CDH4: variants seen among roughly 807,000 people sequenced by gnomAD.
The protein encoded by CDH4 is cadherin 4, also known as cadherin-4.
A neutral mutation model predicts 86.0 loss-of-function variants in CDH4; 33 were observed. That is an observed-to-expected ratio of 0.38 (90% confidence interval 0.29 to 0.51). The LOEUF (loss-of-function observed/expected upper bound fraction) is 0.51. Ranked by LOEUF, CDH4 falls within the 20% of genes least tolerant of loss-of-function variation. The probability of loss-of-function intolerance (pLI) is 0.86; values close to 1 mark genes in which losing one functional copy is unlikely to be tolerated. For synonymous variants in CDH4, 555 were observed against 549.4 expected, an observed-to-expected ratio of 1.01 and a Z score of -0.14; for missense variants, 1,114 against 1,307.4, an observed-to-expected ratio of 0.85 and a Z score of 2.28.
intron 2 of CDH4, among the ~76,000 whole-genome samples, chr20:61,461,875 G>A (rs1203610426): frequency 1.3e-5 from 2 of 152,188 alleles, no homozygotes; most frequent in Non-Finnish European, 2.9e-5. Flanking sequence ...AAGCTCTGGA[G>A]TGCCGTGTGC....
chr20:61,309,162 CAGG>C (rs1391628105), intron 2 of CDH4, among the ~76,000 whole-genome samples: 4 of 152,228 alleles, frequency 2.6e-5, no homozygotes, highest in African/African-American at 9.6e-5. Flanking sequence ...GGCTGGTGCC[CAGG>C]AGATCCTCTC....
rs145846676 is a variant in CDH4 at position 61,844,739 on chromosome 20, C to T, written c.648C>T (p.Pro216=). ...SITGVGADQP[P]MEVFSIDSMS... Reference sequence around the variant, plus strand: ...CGGGAGTGGGCGCCGACCAGCCCCCCATGGAGGTCTTCAGCATTGACTCCA... The same window carrying T: ...CGGGAGTGGGCGCCGACCAGCCCCCTATGGAGGTCTTCAGCATTGACTCCA... Residue 216 remains proline (P), a synonymous_variant, in exon 5 of 16, where the codon CCC becomes CCT. Transcript: ENST00000614565. The T allele has an allele frequency of 3.5e-5, 57 of 1,614,072 alleles. No individual in the cohort carries two copies. In the African/African-American group the frequency reaches 5.2e-4, roughly 15 times the overall value.
chr20:61,540,884 G>A (rs2086034625), intron 2 of CDH4, among the ~76,000 whole-genome samples: 2 of 152,008 alleles, frequency 1.3e-5, no homozygotes, highest in African/African-American at 4.8e-5. Flanking sequence ...CAATAAGGCA[G>A]GAAGCAAACA....
chr20:61,767,964 G>C (rs747837947), intron 3 of CDH4, among the ~76,000 whole-genome samples: 1 of 152,220 alleles, frequency 6.6e-6, no homozygotes, highest in African/African-American at 2.4e-5. Context: ...GTCCGTGAGT[G>C]GATGGAGGCG....
intron 2 of CDH4, among the ~76,000 whole-genome samples, chr20:61,304,582 G>A (rs1245388963): frequency 6.6e-6 from 1 of 152,088 alleles, no homozygotes; most frequent in African/African-American, 2.4e-5. Context: ...TTGTACTAGA[G>A]GGCCTGGCTG....
chr20:61,630,267 C>T (rs1382495561), intron 2 of CDH4, among the ~76,000 whole-genome samples: 1 of 152,184 alleles, frequency 6.6e-6, no homozygotes, highest in Non-Finnish European at 1.5e-5. Flanking sequence ...TGTACTGTGA[C>T]CTCATGGCTG....
chr20:61,555,653 G>A lies in CDH4; in HGVS notation c.170-187910G>A, dbSNP rs1057005142. Among the ~76,000 whole-genome samples, 8 of 152,156 alleles carry A rather than the reference G, an allele frequency of 5.3e-5. No individual in the cohort carries two copies. In the East Asian group the frequency reaches 5.8e-4, roughly 11 times the overall value. On this transcript the variant is annotated intron_variant, in intron 2 of 15. Transcript: ENST00000614565. The stretch of plus-strand genomic sequence containing the variant: ...AATCACAAAATCACACCCTTTATTC[G>A]ACAACTCCACATAAATAGCGATTCC...
chr20:61,822,406 T>G (rs1456757848), intron 4 of CDH4, among the ~76,000 whole-genome samples: 2 of 152,206 alleles, frequency 1.3e-5, no homozygotes, highest in Non-Finnish European at 2.9e-5. Context: ...TTTATTATGG[T>G]GCTAAAATAA....
intron 2 of CDH4, among the ~76,000 whole-genome samples, chr20:61,346,804 G>A (rs2084681678): frequency 6.6e-6 from 1 of 151,698 alleles, no homozygotes; most frequent in Non-Finnish European, 1.5e-5. Context: ...GGGCCAGGGT[G>A]CAGCAGGAAG....
chr20:61,747,964 A>T (rs890608960), intron 3 of CDH4, among the ~76,000 whole-genome samples: 3 of 152,026 alleles, frequency 2.0e-5, no homozygotes, highest in Non-Finnish European at 4.4e-5. Context: ...CAGCACCTGG[A>T]TGCTTTATAG....
intron 2 of CDH4, among the ~76,000 whole-genome samples, chr20:61,414,583 A>G (rs2252678): frequency 0.39 from 59,337 of 152,120 alleles, 12,529 homozygotes; most frequent in Middle Eastern, 0.52. Context: ...GGCAATATTA[A>G]TAATGCTCAC....
At chr20:61,453,279 G>C (rs1407574886) in intron 2 of CDH4, among the ~76,000 whole-genome samples, 1 of 152,138 alleles carries the variant, frequency 6.6e-6, no homozygotes, top group Non-Finnish European at 1.5e-5. Flanking sequence ...AGTGATGGGG[G>C]ATTATATATC....
intron 2 of CDH4, among the ~76,000 whole-genome samples, chr20:61,351,778 G>A (rs562901096): frequency 3.3e-5 from 5 of 151,350 alleles, no homozygotes; most frequent in Admixed American, 2.6e-4. Context: ...GTGCAGTGGC[G>A]CAATCTCGGC....
At chr20:61,688,400 TG>T (rs2087612846) in intron 2 of CDH4, among the ~76,000 whole-genome samples, 1 of 151,972 alleles carries the variant, frequency 6.6e-6, no homozygotes, top group Non-Finnish European at 1.5e-5. Context: ...TTCTGAATGA[TG>T]GTTTATTAAG....
chr20:61,352,584 A>C (rs1333637419), intron 2 of CDH4, among the ~76,000 whole-genome samples: 1 of 152,208 alleles, frequency 6.6e-6, no homozygotes, highest in Non-Finnish European at 1.5e-5. Context: ...GGTGGAAAGA[A>C]AACAAAGCTT....
chr20:61,332,008 G>A (rs1241311880), intron 2 of CDH4, among the ~76,000 whole-genome samples: 2 of 152,194 alleles, frequency 1.3e-5, no homozygotes, highest in African/African-American at 2.4e-5. Context: ...TGGTTCTTCA[G>A]TGCCCAGAGC....
chr20:61,765,476 A>G (rs1157040045), intron 3 of CDH4, among the ~76,000 whole-genome samples: 1 of 152,200 alleles, frequency 6.6e-6, no homozygotes, highest in Non-Finnish European at 1.5e-5. Flanking sequence ...CCACGAAGCC[A>G]CAGTTGTGGG....
At chr20:61,760,335 C>A (rs904792237) in intron 3 of CDH4, among the ~76,000 whole-genome samples, 2 of 152,260 alleles carry the variant, frequency 1.3e-5, no homozygotes, top group African/African-American at 4.8e-5. Flanking sequence ...CAGCCCAGGC[C>A]CTCAGAAGTC....
chr20:61,381,723 A>G (rs572624092), intron 2 of CDH4, among the ~76,000 whole-genome samples: 5 of 152,178 alleles, frequency 3.3e-5, no homozygotes, highest in African/African-American at 1.2e-4. Flanking sequence ...TGGCCTTTGC[A>G]TAATCTACTA....
Sources: allele counts gnomAD v4.1 joint callset (sites outside exome capture counted in the v4.1 genomes callset), GRCh38; gene constraint gnomAD v4.1.1; transcripts MANE v1.5; gene names NCBI Gene and HGNC (gene_info 2026-07-23, HGNC 2026-07-21).